The following APCDD1 variants were observed in gnomAD, a reference collection of about 807,000 sequenced individuals.
The protein encoded by APCDD1 is protein APCDD1.
Under a neutral mutation model 38.1 loss-of-function variants are expected in APCDD1, and 15 were observed. The observed-to-expected ratio is 0.39, with a 90% CI of 0.26 to 0.61. APCDD1 has a LOEUF of 0.61. Among genes scored for constraint, APCDD1 ranks in the 20% least tolerant of loss-of-function variants. The probability of loss-of-function intolerance (pLI) is 0.49; values close to 1 mark genes in which losing one functional copy is unlikely to be tolerated. For synonymous variants in APCDD1, 261 were observed against 279.7 expected (o/e 0.93, Z 0.67); for missense variants, 647 against 696.2 (o/e 0.93, Z 0.79).
chr18:10,468,769 C>A, intron 2 of APCDD1, 117 bp downstream of exon 2: 2 of 1,147,464 alleles, frequency 1.7e-6, no homozygotes, highest in Non-Finnish European at 1.3e-6. Context: ...AGGTGTTGTC[C>A]AAGTTCTAAT....
chr18:10,482,986 T>C (rs1032273319), intron 3 of APCDD1, among the ~76,000 whole-genome samples: 10 of 152,246 alleles, frequency 6.6e-5, no homozygotes, highest in Admixed American at 2.6e-4. Flanking sequence ...AAGGCCTTTA[T>C]TTAATGTTCA....
At chr18:10,478,174 T>C (rs1385667367) in intron 3 of APCDD1, among the ~76,000 whole-genome samples, 1 of 152,228 alleles carries the variant, frequency 6.6e-6, no homozygotes, top group African/African-American at 2.4e-5. Context: ...ATTAGCAGCC[T>C]GGTTTCTCCT....
At chr18:10,481,085 C>G (rs2143555424) in intron 3 of APCDD1, among the ~76,000 whole-genome samples, 1 of 152,260 alleles carries the variant, frequency 6.6e-6, no homozygotes, top group East Asian at 1.9e-4. Flanking sequence ...GAAATTGGAA[C>G]CTTATACATT....
At chr18:10,466,551 G>A (rs1598396229) in intron 1 of APCDD1, among the ~76,000 whole-genome samples, 1 of 152,164 alleles carries the variant, frequency 6.6e-6, no homozygotes, top group East Asian at 1.9e-4. Flanking sequence ...TAAATAGGCT[G>A]GTTTTGAAAA....
At chr18:10,477,031 G>T in intron 3 of APCDD1, 1 of 152,454 alleles carries the variant, frequency 6.6e-6, no homozygotes, top group Non-Finnish European at 1.5e-5. Context: ...GCAGGAGCCA[G>T]CATGGAGGGA....
Position 10,485,379 on chromosome 18 carries a change from G to A in APCDD1, c.775-83G>A. The A allele has an allele frequency of 6.7e-7, 1 of 1,487,056 alleles. No individual in the cohort carries two copies. The highest frequency in any genetic ancestry group is 9.3e-7 in the Non-Finnish European group (1 of 1,074,950). 92.1% of individuals were successfully genotyped at this position (1,487,056 alleles called of 1,614,324 possible). ...CAGTGATGGTGATCTGGTGCCTGGTGAGACCCCATTTGCCGGAAGCATGTG... is the reference window on the plus strand; with the variant it reads ...CAGTGATGGTGATCTGGTGCCTGGTAAGACCCCATTTGCCGGAAGCATGTG... On this transcript the variant is annotated intron_variant, in intron 3 of 4. Transcript: ENST00000355285. This position sits in a 1 kb window ranked among gnomAD's most constrained non-coding sequence, Gnocchi z 5.8.
In APCDD1 at chr18:10,488,058, T is replaced by G. The variant is rs2031288708; in HGVS notation, c.*20T>G. ...AGATAGAAGTTTTAGAAAGTTCTAT[T>G]TTTCCAAACCAGGATTCCTTACTAT... is the stretch of plus-strand genomic sequence containing the variant. On this transcript the variant is annotated 3_prime_UTR_variant, in exon 5 of 5. Coordinates refer to ENST00000355285, the MANE Select transcript of APCDD1 (RefSeq NM_153000.5). 1 of 1,612,376 alleles carries G rather than the reference T, an allele frequency of 6.2e-7. No individual in the cohort carries two copies. The highest frequency in any genetic ancestry group is 8.5e-7 in the Non-Finnish European group (1 of 1,179,918).
At chr18:10,464,517 G>A (rs1432950361) in intron 1 of APCDD1, among the ~76,000 whole-genome samples, 1 of 152,146 alleles carries the variant, frequency 6.6e-6, no homozygotes, top group Admixed American at 6.5e-5. Flanking sequence ...TGAACTTCTG[G>A]GCTCATGTGA....
Position 10,488,098 on chromosome 18 carries a change from T to C in APCDD1, c.*60T>C. 6.3e-7 allele frequency: 1 copy of C among 1,589,806 alleles called. No individual in the cohort carries two copies. The highest frequency in any genetic ancestry group is 8.6e-7 in the Non-Finnish European group (1 of 1,168,132). ...TTCCTTACTATTGACAGATTTGCTT[T>C]ACCAAAAGAAAAGACATTTATTCTT... On this transcript the variant is annotated 3_prime_UTR_variant, in exon 5 of 5. Transcript: ENST00000355285.
chr18:10,458,873 G>GA (rs1256711580), intron 1 of APCDD1, among the ~76,000 whole-genome samples: 10 of 152,104 alleles, frequency 6.6e-5, no homozygotes, highest in Admixed American at 2.6e-4. Context: ...GGAAAACCAG[G>GA]AAAAAATCCG....
At chr18:10,484,068 G>A (rs944684297) in intron 3 of APCDD1, among the ~76,000 whole-genome samples, 1 of 152,218 alleles carries the variant, frequency 6.6e-6, no homozygotes, top group Non-Finnish European at 1.5e-5. Context: ...CACAAACCTA[G>A]ACAGCCCTTG....
intron 3 of APCDD1, among the ~76,000 whole-genome samples, chr18:10,480,691 G>A (rs1165144192): frequency 6.2e-5 from 9 of 144,004 alleles, no homozygotes; most frequent in East Asian, 4.2e-4. Context: ...GTGAAACCCC[G>A]TCTCTACAAA....
intron 1 of APCDD1, among the ~76,000 whole-genome samples, chr18:10,461,779 G>A (rs376138516): frequency 8.5e-5 from 13 of 152,180 alleles, no homozygotes; most frequent in East Asian, 1.9e-4. Context: ...AGATTCACTC[G>A]CAACAAAATC....
chr18:10,473,761 T>C (rs1221970421), intron 3 of APCDD1, among the ~76,000 whole-genome samples: 1 of 152,134 alleles, frequency 6.6e-6, no homozygotes, highest in Non-Finnish European at 1.5e-5. Flanking sequence ...TTGGGGCCTT[T>C]CTGGTTGGCA....
chr18:10,464,857 T>G (rs1040319568), intron 1 of APCDD1, among the ~76,000 whole-genome samples: 4 of 152,218 alleles, frequency 2.6e-5, no homozygotes, highest in African/African-American at 9.6e-5. Flanking sequence ...TACTTTGTCC[T>G]CCTCAGAGCT....
rs1197729925 is a variant in APCDD1 at position 10,472,767 on chromosome 18, T to C, written c.774+706T>C. On this transcript the variant is annotated intron_variant, in intron 3 of 4. Transcript: ENST00000355285. This position sits in a 1 kb window ranked among gnomAD's most constrained non-coding sequence, Gnocchi z 6.6. ...GGGGACTAAGGAGAGCAGGAAACAA[T>C]TAAACCTTATAATGTCTTTTCCTTG... is the stretch of plus-strand genomic sequence containing the variant. 1.3e-5 allele frequency among the ~76,000 whole-genome samples: 2 copies of C among 152,256 alleles called. No individual in the cohort carries two copies. Among genetic ancestry groups the C allele is most frequent in the East Asian group, 3.8e-4 (2 of 5,204 alleles).
At chr18:10,486,150 GA>G (rs1203432793) in intron 4 of APCDD1, among the ~76,000 whole-genome samples, 2 of 152,206 alleles carry the variant, frequency 1.3e-5, no homozygotes, top group Non-Finnish European at 2.9e-5. Context: ...CCAGAAGTTT[GA>G]AACCAGCCTG....
At position 10,485,372 on chromosome 18, in the gene APCDD1, G is replaced by A. The variant is rs91959; in HGVS notation, c.775-90G>A. The A allele has an allele frequency of 0.47, 655,923 of 1,406,072 alleles. 156,551 individuals are homozygous for A. Among genetic ancestry groups the A allele is most frequent in the African/African-American group, 0.65 (46,330 of 70,922 alleles). 87.1% of individuals were successfully genotyped at this position (1,406,072 alleles called of 1,614,324 possible). A position where few individuals can be genotyped will look rare whatever the true frequency, so the allele number is the denominator to read the frequency against. Reference sequence around the variant, plus strand: ...AGGTTGTCAGTGATGGTGATCTGGTGCCTGGTGAGACCCCATTTGCCGGAA... The same window carrying A: ...AGGTTGTCAGTGATGGTGATCTGGTACCTGGTGAGACCCCATTTGCCGGAA... On this transcript the variant is annotated intron_variant, in intron 3 of 4. Transcript: ENST00000355285. This position sits in a 1 kb window ranked among gnomAD's most constrained non-coding sequence, Gnocchi z 5.8.
chr18:10,483,202 C>T (rs1047747289), intron 3 of APCDD1, among the ~76,000 whole-genome samples: 8 of 152,220 alleles, frequency 5.3e-5, no homozygotes, highest in African/African-American at 1.9e-4. Flanking sequence ...CTTTCCGTGA[C>T]GTAATTAAGC....
Sources: allele counts gnomAD v4.1 joint callset (sites outside exome capture counted in the v4.1 genomes callset), GRCh38; gene constraint gnomAD v4.1.1; non-coding constraint Gnocchi (gnomAD v3.1); transcripts MANE v1.5; gene names NCBI Gene and HGNC (gene_info 2026-07-23, HGNC 2026-07-21).